The following PDE4D variants were observed in gnomAD, a reference collection of about 807,000 sequenced individuals.
The protein encoded by PDE4D is phosphodiesterase 4D.
A neutral mutation model predicts 87.4 loss-of-function variants in PDE4D; 24 were observed. The observed-to-expected ratio is 0.27, with a 90% CI of 0.20 to 0.39. PDE4D has a LOEUF of 0.39. PDE4D is among the 10% of genes least tolerant of loss of function. The pLI is 1.00. For synonymous variants in PDE4D, 384 were observed against 383.2 expected, an observed-to-expected ratio of 1.00 and a Z score of -0.02; for missense variants, 714 against 1,041.0, an observed-to-expected ratio of 0.69 and a Z score of 4.32.
chr5:60,035,455 CA>C (rs1767690667), intron 2 of PDE4D, among the ~76,000 whole-genome samples: 1 of 152,068 alleles, frequency 6.6e-6, no homozygotes, highest in Non-Finnish European at 1.5e-5. Flanking sequence ...ATAACTTGCC[CA>C]TGTTCACATG....
chr5:59,379,139 A>G (rs1165888733), intron 1 of PDE4D, among the ~76,000 whole-genome samples: 1 of 152,062 alleles, frequency 6.6e-6, no homozygotes. Context: ...AAGCCACAAC[A>G]CCCAAACCTG....
intron 6 of PDE4D, among the ~76,000 whole-genome samples, chr5:59,001,838 T>A (rs531357167): frequency 6.6e-6 from 1 of 152,252 alleles, no homozygotes. Context: ...TCAGTGAGCC[T>A]ATATTTCTTC....
intron 1 of PDE4D, among the ~76,000 whole-genome samples, chr5:60,442,555 C>T (rs1745319909): frequency 6.6e-6 from 1 of 151,996 alleles, no homozygotes; most frequent in Non-Finnish European, 1.5e-5. Flanking sequence ...GCACGTTCTG[C>T]ACATGTATCC....
chr5:59,156,331 A>G lies in PDE4D; in HGVS notation c.808+24264T>C, dbSNP rs867978538. ...CCAGAAAAAAAAAAAATATATATAT[A>G]TGTGTGTGTGTGTGTGTGTGTGTGT... On this transcript the variant is annotated intron_variant, in intron 5 of 14. Coordinates refer to ENST00000340635, the MANE Select transcript of PDE4D (RefSeq NM_001104631.2). Among the ~76,000 whole-genome samples, 41 of 122,758 alleles carry G rather than the reference A, an allele frequency of 3.3e-4. No individual in the cohort carries two copies. The East Asian group carries it at 4.3e-3, about 13-fold the overall frequency. 80.5% of individuals were successfully genotyped at this position (122,758 alleles called of 152,430 possible).
chr5:59,336,576 T>C (rs1777692420), intron 1 of PDE4D, among the ~76,000 whole-genome samples: 1 of 152,184 alleles, frequency 6.6e-6, no homozygotes, highest in South Asian at 2.1e-4. Flanking sequence ...TTTTAAGCTA[T>C]GCAACCCTTA....
chr5:59,740,748 T>C (rs1758719806), intron 1 of PDE4D, among the ~76,000 whole-genome samples: 1 of 152,152 alleles, frequency 6.6e-6, no homozygotes, highest in African/African-American at 2.4e-5. Context: ...AAGAGGACTT[T>C]AGAGATCAAC....
intron 1 of PDE4D, among the ~76,000 whole-genome samples, chr5:60,216,737 A>G (rs968249261): frequency 6.6e-6 from 1 of 152,154 alleles, no homozygotes; most frequent in African/African-American, 2.4e-5. Flanking sequence ...CAGTACATCA[A>G]GAAATATAAC....
intron 1 of PDE4D, among the ~76,000 whole-genome samples, chr5:60,438,084 T>A: frequency 6.6e-6 from 1 of 152,150 alleles, no homozygotes; most frequent in East Asian, 1.9e-4. Context: ...TAACAGATTT[T>A]AAAAAGCCTT....
At chr5:59,854,295 C>T (rs776564558) in intron 1 of PDE4D, among the ~76,000 whole-genome samples, 1 of 151,502 alleles carries the variant, frequency 6.6e-6, no homozygotes, top group Non-Finnish European at 1.5e-5. Context: ...TTTTTACATG[C>T]CCACCTATTA....
intron 1 of PDE4D, among the ~76,000 whole-genome samples, chr5:60,383,479 T>C (rs1049946864): frequency 4.6e-5 from 7 of 152,230 alleles, no homozygotes; most frequent in Admixed American, 4.6e-4. Context: ...CAGCTAAGAC[T>C]ACTGTGTAAA....
intron 1 of PDE4D, among the ~76,000 whole-genome samples, chr5:60,480,186 T>C (rs7702474): frequency 0.18 from 26,919 of 152,024 alleles, 3,875 homozygotes; most frequent in African/African-American, 0.39. Context: ...GAAACAAAGA[T>C]ACAGGGATCC....
At chr5:60,207,044 G>A (rs1439402576) in intron 1 of PDE4D, among the ~76,000 whole-genome samples, 4 of 152,186 alleles carry the variant, frequency 2.6e-5, no homozygotes, top group African/African-American at 9.7e-5. Flanking sequence ...TAATTTACAG[G>A]TGGATCTTAC....
chr5:59,823,087 A>C (rs1561718799), intron 1 of PDE4D, among the ~76,000 whole-genome samples: 1 of 152,020 alleles, frequency 6.6e-6, no homozygotes, highest in African/African-American at 2.4e-5. Flanking sequence ...AGTGTCTTCT[A>C]CTCTTTTCAA....
chr5:59,573,225 C>T (rs294503), intron 1 of PDE4D, among the ~76,000 whole-genome samples: 4,372 of 152,214 alleles, frequency 0.029, 79 homozygotes, highest in East Asian at 0.093. Flanking sequence ...ATTTCATGAC[C>T]AGTAAGAATC....
intron 1 of PDE4D, among the ~76,000 whole-genome samples, chr5:60,470,024 T>C (rs541713805): frequency 5.3e-5 from 8 of 152,326 alleles, no homozygotes; most frequent in African/African-American, 1.4e-4. Context: ...CAAAAGCTCC[T>C]GTGCAAGTTA....
At chr5:59,167,695 TA>T (rs1782123541) in intron 5 of PDE4D, among the ~76,000 whole-genome samples, 1 of 152,216 alleles carries the variant, frequency 6.6e-6, no homozygotes, top group Non-Finnish European at 1.5e-5. Flanking sequence ...CTTATTCATT[TA>T]TCCATTCACT....
intron 1 of PDE4D, among the ~76,000 whole-genome samples, chr5:60,476,169 T>C (rs16878127): frequency 0.013 from 1,953 of 152,336 alleles, 43 homozygotes; most frequent in African/African-American, 0.044. Flanking sequence ...AAGTTTTATA[T>C]ATTTCTAATC....
intron 1 of PDE4D, among the ~76,000 whole-genome samples, chr5:59,868,905 A>G (rs776552592): frequency 2.6e-5 from 4 of 152,222 alleles, no homozygotes; most frequent in Non-Finnish European, 4.4e-5. Context: ...TAAAACTATC[A>G]TAGTCATATT....
intron 1 of PDE4D, among the ~76,000 whole-genome samples, chr5:60,198,188 T>C (rs1741494449): frequency 6.6e-6 from 1 of 151,618 alleles, no homozygotes; most frequent in Non-Finnish European, 1.5e-5. Flanking sequence ...TATACTCTTT[T>C]TCTTTCATAT....
Sources: allele counts gnomAD v4.1 joint callset (sites outside exome capture counted in the v4.1 genomes callset), GRCh38; gene constraint gnomAD v4.1.1; transcripts MANE v1.5; gene names NCBI Gene and HGNC (gene_info 2026-07-23, HGNC 2026-07-21).